The following TAF2 variants were observed in gnomAD, a reference collection of about 807,000 sequenced individuals.
TAF2 encodes the protein TATA-box binding protein associated factor 2, also known as transcription initiation factor TFIID subunit 2.
TAF2 carries 61 observed loss-of-function variants against 138.5 expected under a neutral mutation model. The ratio of observed to expected loss-of-function variants is 0.44; its 90% CI spans 0.36 to 0.54. The LOEUF (loss-of-function observed/expected upper bound fraction) is 0.54, where lower values mean the gene tolerates loss of function less well. TAF2 is among the 20% of genes least tolerant of loss of function. The pLI is 0.00. For missense variants in TAF2, 1,090 were observed against 1,427.9 expected, an observed-to-expected ratio of 0.76 and a Z score of 3.81; for synonymous variants, 475 against 469.9, an observed-to-expected ratio of 1.01 and a Z score of -0.14.
chr8:119,764,710 C>G (rs1006550367), intron 18 of TAF2, among the ~76,000 whole-genome samples: 1 of 151,868 alleles, frequency 6.6e-6, no homozygotes, highest in Admixed American at 6.5e-5. Context: ...AATCACTATA[C>G]AAAGTAGAAA....
chr8:119,797,747 G>A lies in TAF2; in HGVS notation c.892C>T (p.Arg298Cys), dbSNP rs756939412. 4 of 1,613,348 alleles carry A rather than the reference G, an allele frequency of 2.5e-6. No individual in the cohort carries two copies. The highest frequency in any genetic ancestry group is 3.4e-6 in the Non-Finnish European group (4 of 1,179,644). The change falls in exon 7 of 26, where the codon CGT becomes TGT. Residue 298 changes from arginine (R) to cysteine (C), a missense_variant. By Grantham distance (180) the Arg-to-Cys change is radical (BLOSUM62 -3). Coordinates refer to ENST00000378164, the MANE Select transcript of TAF2 (RefSeq NM_003184.4). ...GTCTTAAAACAGGAGTATGGGTAAC[G>A]ACATGTAAGAATTTCTTCATAAAAT... The part of the protein sequence containing the change: ...FEFYEEILTC[R>C]YPYSCFKTVF...
Position 119,760,721 on chromosome 8 carries a change from C to T in TAF2, c.2576G>A (p.Arg859Gln), listed in dbSNP as rs1226888583. 7 of 1,613,744 alleles carry T rather than the reference C, an allele frequency of 4.3e-6. No homozygotes were observed. Among genetic ancestry groups the T allele is most frequent in the Admixed American group, 3.3e-5 (2 of 59,996 alleles). The part of the protein sequence containing the change: ...TITVSCLRAI[R>Q]VLQKNGHVPS... Reference sequence around the variant, plus strand: ...CACATGTCCGTTCTTCTGAAGTACCCGTATGGCTCTCAAACAACTAGGGAA... The same window carrying T: ...CACATGTCCGTTCTTCTGAAGTACCTGTATGGCTCTCAAACAACTAGGGAA... Residue 859 changes from arginine (R) to glutamine (Q), a missense_variant, in exon 20 of 26, where the codon CGG becomes CAG. Around this residue, in one of 3 missense-constraint regions of TAF2, gnomAD observed 580 missense variants for 719.6 expected, o/e 0.81. Transcript: ENST00000378164.
intron 2 of TAF2, among the ~76,000 whole-genome samples, chr8:119,825,868 A>G (rs1406837044): frequency 8.6e-6 from 1 of 115,652 alleles, no homozygotes; most frequent in Non-Finnish European, 1.9e-5. Context: ...TTTTTTTTGT[A>G]TTTTTAGTAG....
In TAF2 at chr8:119,760,343, A is replaced by T. The variant is rs966573021; in HGVS notation, c.2698+256T>A. ...CAAAAATATTCTATTTCCTAAAATA[A>T]CGTCCAATTAAAGCTACAGGATGAA... On this transcript the variant is annotated intron_variant, in intron 20 of 25. Coordinates refer to ENST00000378164, the MANE Select transcript of TAF2 (RefSeq NM_003184.4). 8.3e-6 allele frequency: 3 copies of T among 359,396 alleles called. No individual in the cohort carries two copies. The Admixed American group carries it at 1.3e-4, about 16-fold the overall frequency. 22.3% of individuals were successfully genotyped at this position (359,396 alleles called of 1,614,324 possible).
chr8:119,777,979 G>C (rs1247205721), intron 18 of TAF2, 40 bp downstream of exon 18: 1 of 1,078,516 alleles, frequency 9.3e-7, no homozygotes, highest in Non-Finnish European at 1.4e-6. Flanking sequence ...AATTATCTAA[G>C]ACAACTGTTG....
intron 1 of TAF2, among the ~76,000 whole-genome samples, chr8:119,832,043 C>T (rs1414331152): frequency 2.0e-5 from 3 of 152,076 alleles, no homozygotes; most frequent in Non-Finnish European, 4.4e-5. Flanking sequence ...CCTGTAATCC[C>T]GGCTACTCAG....
Position 119,830,992 on chromosome 8 carries a change from A to G in TAF2, c.138+685T>C, listed in dbSNP as rs1381983194. On this transcript the variant is annotated intron_variant, in intron 2 of 25. Transcript: ENST00000378164. ...CGTGGTCATGCACACCTGTAATTCA[A>G]GCTACTTGGGAGGCTGAGGTAGGAC... Among the ~76,000 whole-genome samples, 4 of 152,136 alleles carry G rather than the reference A, an allele frequency of 2.6e-5. No homozygotes were observed. In the East Asian group the frequency reaches 5.8e-4, roughly 22 times the overall value.
In TAF2 at chr8:119,755,990, A is replaced by T; in HGVS notation, c.2878+16T>A. On this transcript the variant is annotated intron_variant, in intron 22 of 25. Transcript: ENST00000378164. ...TCTAGTAATAATAAAAACAATTTAA[A>T]TCCCTGCTCTCTCACCAGAATTCAT... 6.4e-7 allele frequency: 1 copy of T among 1,557,624 alleles called. No individual in the cohort carries two copies. The highest frequency in any genetic ancestry group is 8.9e-7 in the Non-Finnish European group (1 of 1,129,026).
At chr8:119,801,719 T>G in intron 6 of TAF2, 75 bp downstream of exon 6, 3 of 1,436,750 alleles carry the variant, frequency 2.1e-6, no homozygotes, top group Non-Finnish European at 2.9e-6. Context: ...TGAGCCACCG[T>G]GCCTTGCCAA....
chr8:119,808,485 A>G (rs1443051949), intron 3 of TAF2, among the ~76,000 whole-genome samples: 1 of 152,162 alleles, frequency 6.6e-6, no homozygotes, highest in Non-Finnish European at 1.5e-5. Context: ...ACCCTTGTTC[A>G]TGTTGATGTT....
chr8:119,796,895 C>G (rs1823865329), intron 8 of TAF2, 95 bp downstream of exon 8: 8 of 848,396 alleles, frequency 9.4e-6, no homozygotes, highest in Non-Finnish European at 1.6e-5. Flanking sequence ...AATTAGCTAT[C>G]TGCAATTAGG....
intron 2 of TAF2, among the ~76,000 whole-genome samples, chr8:119,825,192 A>G (rs1448330286): frequency 1.3e-5 from 2 of 152,254 alleles, no homozygotes; most frequent in Non-Finnish European, 2.9e-5. Flanking sequence ...TGGATGTGAC[A>G]TGGAGTCAAG....
chr8:119,831,094 G>C (rs1308880348), intron 2 of TAF2, among the ~76,000 whole-genome samples: 2 of 152,102 alleles, frequency 1.3e-5, no homozygotes, highest in African/African-American at 4.8e-5. Context: ...GTGACAGAGC[G>C]AGACTCTGTC....
At chr8:119,810,467 T>A (rs1824974700) in intron 3 of TAF2, among the ~76,000 whole-genome samples, 1 of 152,230 alleles carries the variant, frequency 6.6e-6, no homozygotes, top group African/African-American at 2.4e-5. Flanking sequence ...TGTGTACAGA[T>A]TTTTGTGTGA....
chr8:119,789,456 A>G (rs916509129), intron 12 of TAF2, 136 bp downstream of exon 12: 3 of 1,069,268 alleles, frequency 2.8e-6, no homozygotes, highest in Non-Finnish European at 1.4e-6. Context: ...GTTCATCATT[A>G]TTTCTACCAT....
chr8:119,812,325 AT>A (rs35553888), intron 3 of TAF2, among the ~76,000 whole-genome samples: 21,174 of 144,844 alleles, frequency 0.15, 1,552 homozygotes, highest in Middle Eastern at 0.34. Flanking sequence ...TTGCTGCCTC[AT>A]TTTTTTTTTT....
chr8:119,794,475 A>G (rs951524696), intron 9 of TAF2, among the ~76,000 whole-genome samples: 1 of 152,168 alleles, frequency 6.6e-6, no homozygotes, highest in African/African-American at 2.4e-5. Context: ...TAAATAATAC[A>G]GATGTAGTAC....
In TAF2 at chr8:119,797,043, T is replaced by G. The variant is rs770843380; in HGVS notation, c.1038A>C (p.Leu346Phe). The G allele has an allele frequency of 2.5e-6, 4 of 1,613,398 alleles. No homozygotes were observed. In the Admixed American group the frequency reaches 6.7e-5, roughly 27 times the overall value. ...AAAACTGCTGGGCCAAGGATTGGGC[T>G]AAACACCTTCTAGTCAAAGGTGTCT... Reference protein sequence around the residue: ...IDETPLTRRCLAQSLAQQFFG... With the variant: ...IDETPLTRRCFAQSLAQQFFG... The change falls in exon 8 of 26, where the codon TTA becomes TTC. Residue 346 changes from leucine (L) to phenylalanine (F), a missense_variant. Transcript: ENST00000378164.
At chr8:119,831,220 T>G in intron 2 of TAF2, among the ~76,000 whole-genome samples, 1 of 152,148 alleles carries the variant, frequency 6.6e-6, no homozygotes, top group Non-Finnish European at 1.5e-5. Flanking sequence ...GGTAGAGGGT[T>G]TCTAGATCTC....
Sources: gnomAD v4.1 joint callset for allele counts (sites outside exome capture counted in the v4.1 genomes callset) on GRCh38, gnomAD v4.1.1 for gene constraint, gnomAD v4.1.1 regional missense constraint, MANE v1.5 for transcripts, NCBI Gene and HGNC (gene_info 2026-07-23, HGNC 2026-07-21) for gene names.